Variants in BEAN1 observed in about 807,000 individuals in gnomAD.
The protein encoded by BEAN1 is protein BEAN1.
In BEAN1, 17 loss-of-function variants were observed where a neutral mutation model predicts 17.7. The ratio of observed to expected loss-of-function variants is 0.96; its 90% confidence interval spans 0.66 to 1.44. The LOEUF is 1.44. Among genes scored for constraint, BEAN1 ranks in the 40% most tolerant of loss-of-function variants. The pLI, the probability that BEAN1 is intolerant of heterozygous loss-of-function variation, is 0.00. For missense variants in BEAN1, 359 were observed against 374.1 expected, an observed-to-expected ratio of 0.96 and a Z score of 0.33; for synonymous variants, 142 against 151.8, an observed-to-expected ratio of 0.94 and a Z score of 0.47.
At chr16:66,453,601 A>G (rs1226166159) in intron 2 of BEAN1, among the ~76,000 whole-genome samples, 1 of 152,068 alleles carries the variant, frequency 6.6e-6, no homozygotes, top group Non-Finnish European at 1.5e-5. Flanking sequence ...GGCTAAGGCA[A>G]TCCTCCCACC....
At chr16:66,431,808 T>G (rs1167253519) in intron 1 of BEAN1, among the ~76,000 whole-genome samples, 1 of 152,094 alleles carries the variant, frequency 6.6e-6, no homozygotes, top group Non-Finnish European at 1.5e-5. Context: ...TATTAATTTT[T>G]TTTGTTGTTT....
chr16:66,431,480 G>A (rs117548748), intron 1 of BEAN1, among the ~76,000 whole-genome samples: 100 of 152,216 alleles, frequency 6.6e-4, no homozygotes, highest in Non-Finnish European at 1.2e-3. Flanking sequence ...AATGTAAAAC[G>A]CATAAAAATC....
intron 2 of BEAN1, among the ~76,000 whole-genome samples, chr16:66,440,577 C>A (rs1019552783): frequency 6.6e-6 from 1 of 152,202 alleles, no homozygotes; most frequent in African/African-American, 2.4e-5. Flanking sequence ...CAGGGATTCT[C>A]CCTGCACCTG....
intron 2 of BEAN1, among the ~76,000 whole-genome samples, chr16:66,452,407 G>A (rs769423120): frequency 3.3e-5 from 5 of 152,188 alleles, no homozygotes; most frequent in Non-Finnish European, 7.3e-5. Context: ...CACCTTTAAT[G>A]TGCTCCAGAA....
chr16:66,447,854 G>A (rs1962512920), intron 2 of BEAN1, among the ~76,000 whole-genome samples: 1 of 152,232 alleles, frequency 6.6e-6, no homozygotes, highest in African/African-American at 2.4e-5. Context: ...AGGTCACACA[G>A]TATGTTAGTG....
chr16:66,465,898 T>C (rs1963244167), intron 2 of BEAN1, among the ~76,000 whole-genome samples: 1 of 152,234 alleles, frequency 6.6e-6, no homozygotes, highest in Non-Finnish European at 1.5e-5. Flanking sequence ...TTCATAGTAT[T>C]CCCTGAAAAT....
chr16:66,461,004 G>C (rs1257845853), intron 2 of BEAN1, among the ~76,000 whole-genome samples: 3 of 152,204 alleles, frequency 2.0e-5, no homozygotes, highest in African/African-American at 7.2e-5. Context: ...AGGTGCTCAG[G>C]AGATGGTAAT....
At chr16:66,482,918 A>G (rs978944537), downstream of BEAN1, 2 of 455,854 alleles carry the variant, frequency 4.4e-6, no homozygotes, top group African/African-American at 4.0e-5. Context: ...GTGCAATGGT[A>G]TGAACATAGC....
At chr16:66,492,470 C>T (rs889871417) in intron 4 of BEAN1, among the ~76,000 whole-genome samples, 4 of 150,604 alleles carry the variant, frequency 2.7e-5, no homozygotes, top group Admixed American at 1.3e-4. Flanking sequence ...GATGGAGTCT[C>T]GCTGTGTGGC....
chr16:66,490,394 T>G (rs1964148921), intron 4 of BEAN1, among the ~76,000 whole-genome samples: 1 of 124,936 alleles, frequency 8.0e-6, no homozygotes, highest in Non-Finnish European at 1.6e-5. Context: ...AAGACTCTGT[T>G]TCAATAAAAT....
At chr16:66,458,984 A>G (rs552922772) in intron 2 of BEAN1, among the ~76,000 whole-genome samples, 1 of 152,340 alleles carries the variant, frequency 6.6e-6, no homozygotes, top group Admixed American at 6.5e-5. Flanking sequence ...TGGAATGGGA[A>G]TAATACCACG....
At chr16:66,486,891 T>C (rs148128864), downstream of BEAN1, among the ~76,000 whole-genome samples, 1 of 152,238 alleles carries the variant, frequency 6.6e-6, no homozygotes, top group East Asian at 1.9e-4. Context: ...CGGAGAGTGG[T>C]TGCTAAGCAG....
intron 1 of BEAN1, among the ~76,000 whole-genome samples, chr16:66,435,711 T>A (rs1007272128): frequency 2.0e-5 from 3 of 152,150 alleles, no homozygotes; most frequent in Admixed American, 1.3e-4. Context: ...ATGGTCTCGA[T>A]CTCCTGACCT....
intron 2 of BEAN1, among the ~76,000 whole-genome samples, chr16:66,467,241 C>T (rs762375400): frequency 6.6e-6 from 1 of 152,174 alleles, no homozygotes; most frequent in African/African-American, 2.4e-5. Context: ...CAGAAGTCAA[C>T]AGGGCAGATT....
At position 66,449,759 on chromosome 16, in the gene BEAN1, T is replaced by C. The variant is rs946004379; in HGVS notation, c.25+12058T>C. On this transcript the variant is annotated intron_variant, in intron 2 of 4. Transcript: ENST00000536005. ...CTATTATGAGTATGTGTGGCTATTA[T>C]ACACACGCAATATGTCACCAACACA... 2.0e-5 allele frequency among the ~76,000 whole-genome samples: 3 copies of C among 152,224 alleles called. No individual in the cohort carries two copies. The East Asian group carries it at 5.8e-4, about 29-fold the overall frequency.
At chr16:66,490,874 G>A (rs1567514681) in intron 4 of BEAN1, among the ~76,000 whole-genome samples, 1 of 152,224 alleles carries the variant, frequency 6.6e-6, no homozygotes. Context: ...CAGTGGCAGG[G>A]CCTGGCTGCA....
chr16:66,490,606 G>T (rs1432227674), intron 4 of BEAN1, among the ~76,000 whole-genome samples: 3 of 152,146 alleles, frequency 2.0e-5, no homozygotes, highest in South Asian at 2.1e-4. Context: ...GTTGGTTGAG[G>T]GTCGCCACCT....
intron 1 of BEAN1, among the ~76,000 whole-genome samples, chr16:66,431,109 TA>T (rs1961779809): frequency 6.6e-6 from 1 of 152,162 alleles, no homozygotes; most frequent in Non-Finnish European, 1.5e-5. Flanking sequence ...ACAAGTAAAT[TA>T]AAAAAATTTT....
At chr16:66,466,815 C>T (rs993338800) in intron 2 of BEAN1, among the ~76,000 whole-genome samples, 1 of 152,220 alleles carries the variant, frequency 6.6e-6, no homozygotes, top group Non-Finnish European at 1.5e-5. Flanking sequence ...GTGATCCACC[C>T]ACCTCACCCT....
Sources: allele counts gnomAD v4.1 joint callset (sites outside exome capture counted in the v4.1 genomes callset), GRCh38; gene constraint gnomAD v4.1.1; transcripts MANE v1.5; gene names NCBI Gene and HGNC (gene_info 2026-07-23, HGNC 2026-07-21).